CDH1: variants seen among roughly 807,000 people sequenced by gnomAD.
CDH1 encodes cadherin-1.
CDH1 carries 35 observed loss-of-function variants against 84.5 expected under a neutral mutation model. That is an observed-to-expected ratio of 0.41 (90% CI 0.32 to 0.55). The LOEUF is 0.55. Ranked by LOEUF, CDH1 falls within the 20% of genes least tolerant of loss-of-function variation. The probability of loss-of-function intolerance (pLI) is 0.19; values close to 1 mark genes in which losing one functional copy is unlikely to be tolerated. For missense variants in CDH1, 994 were observed against 1,126.6 expected, an observed-to-expected ratio of 0.88 and a Z score of 1.68; for synonymous variants, 417 against 439.0, an observed-to-expected ratio of 0.95 and a Z score of 0.63.
chr16:68,748,182 G>A lies in CDH1; in HGVS notation c.163+9771G>A, dbSNP rs1213522618. Among the ~76,000 whole-genome samples the A allele has an allele frequency of 2.8e-5, 4 of 144,858 alleles. No homozygotes were observed. The East Asian group carries it at 6.1e-4, about 22-fold the overall frequency. ...GGCTGGAGTGCAATGGCATGATCTC[G>A]GCTCACCGCAACCTCCGCCTCCCGG... On this transcript the variant is annotated intron_variant, in intron 2 of 15. Transcript: ENST00000261769.
chr16:68,783,388 CAAAAAAAAA>C (rs375080273), intron 2 of CDH1, among the ~76,000 whole-genome samples: 1 of 61,976 alleles, frequency 1.6e-5, no homozygotes, highest in Non-Finnish European at 3.3e-5. Flanking sequence ...CAGAGTATCT[CAAAAAAAAA>C]AAAAAAAGAA....
chr16:68,787,268 C>G (rs1286108387), intron 2 of CDH1, among the ~76,000 whole-genome samples: 1 of 152,204 alleles, frequency 6.6e-6, no homozygotes, highest in Non-Finnish European at 1.5e-5. Context: ...CTGGCTGGTT[C>G]TGGGGCGAAT....
chr16:68,801,642 C>G lies in CDH1; in HGVS notation c.164-28C>G, dbSNP rs753111135. ...CTCTTGTCTTTAATCTGTCCAATTT[C>G]CTAATCTCTGTGATTTCTGCCCTGC... is the stretch of plus-strand genomic sequence containing the variant. On this transcript the variant is annotated intron_variant, in intron 2 of 15. Coordinates refer to ENST00000261769, the MANE Select transcript of CDH1 (RefSeq NM_004360.5). 2.5e-6 allele frequency: 4 copies of G among 1,575,662 alleles called. No individual in the cohort carries two copies. In the Admixed American group the frequency reaches 6.7e-5, roughly 26 times the overall value.
intron 2 of CDH1, among the ~76,000 whole-genome samples, chr16:68,766,638 T>C (rs1959397339): frequency 6.6e-6 from 1 of 152,230 alleles, no homozygotes; most frequent in Non-Finnish European, 1.5e-5. Context: ...TTATTAACAC[T>C]GACATAGCCT....
intron 2 of CDH1, among the ~76,000 whole-genome samples, chr16:68,772,431 A>G (rs1259631885): frequency 3.3e-5 from 5 of 152,206 alleles, no homozygotes; most frequent in African/African-American, 7.2e-5. Context: ...GGAAAATTCA[A>G]TAAATGTTCA....
chr16:68,826,112 G>A (rs1488190794), intron 13 of CDH1, among the ~76,000 whole-genome samples: 1 of 147,174 alleles, frequency 6.8e-6, no homozygotes, highest in East Asian at 2.1e-4. Flanking sequence ...GAGCCACTGT[G>A]CCCAGCCAGG....
intron 6 of CDH1, 52 bp downstream of exon 6, chr16:68,810,393 G>A (rs1960789070): frequency 2.6e-6 from 4 of 1,564,130 alleles, no homozygotes; most frequent in Middle Eastern, 1.9e-4. Flanking sequence ...TAGGTTCTTT[G>A]GACCCCAAAG....
In CDH1 at chr16:68,808,866, G is replaced by A. The variant is rs544659881; in HGVS notation, c.687+18G>A. The A allele has an allele frequency of 6.2e-7, 1 of 1,613,232 alleles. No homozygotes were observed. Among genetic ancestry groups the A allele is most frequent in the East Asian group, 2.2e-5 (1 of 44,882 alleles). ...CATACACTGTAAGTATCTCTTAGAA[G>A]CTTGTTGACACCGGGGTAACATCCA... On this transcript the variant is annotated intron_variant, in intron 5 of 15. Transcript: ENST00000261769.
chr16:68,801,415 C>T (rs1011322399), intron 2 of CDH1, among the ~76,000 whole-genome samples: 2 of 152,058 alleles, frequency 1.3e-5, no homozygotes, highest in Non-Finnish European at 2.9e-5. Context: ...TGTGCCCAGT[C>T]GAGAAGTTAC....
At chr16:68,812,548 T>G (rs1471783910) in intron 8 of CDH1, among the ~76,000 whole-genome samples, 1 of 152,246 alleles carries the variant, frequency 6.6e-6, no homozygotes, top group East Asian at 1.9e-4. Context: ...CCTGGTTTCA[T>G]TTCTTTATTG....
chr16:68,737,326 G>C lies in CDH1; in HGVS notation c.-90G>C. The C allele has an allele frequency of 2.7e-6, 3 of 1,103,118 alleles. No individual in the cohort carries two copies. Among genetic ancestry groups the C allele is most frequent in the Non-Finnish European group, 3.9e-6 (3 of 774,386 alleles). The allele number at this position is 1,103,118 out of a possible 1,614,324, so 68.3% of individuals were successfully genotyped here. ...GGAACTGCAAAGCACCTGTGAGCTT[G>C]CGGAAGTCAGTTCAGACTCCAGCCC... On this transcript the variant is annotated 5_prime_UTR_variant, in exon 1 of 16. Transcript: ENST00000261769.
intron 2 of CDH1, among the ~76,000 whole-genome samples, chr16:68,751,435 G>A: frequency 6.6e-6 from 1 of 152,198 alleles, no homozygotes; most frequent in East Asian, 1.9e-4. Flanking sequence ...GTCCTGAAAA[G>A]ACTGCAAGCC....
intron 15 of CDH1, 97 bp downstream of exon 15, chr16:68,829,894 T>C: frequency 1.5e-6 from 2 of 1,290,540 alleles, no homozygotes; most frequent in African/African-American, 1.5e-5. Flanking sequence ...ATTCTTTCCT[T>C]TACTATGTTT....
chr16:68,748,098 T>A (rs61196768), intron 2 of CDH1, among the ~76,000 whole-genome samples: 1,761 of 143,162 alleles, frequency 0.012, 14 homozygotes, highest in Non-Finnish European at 0.019. Context: ...AAAAAATTTT[T>A]AAAAATTATT....
At chr16:68,806,124 A>G (rs7191913) in intron 3 of CDH1, among the ~76,000 whole-genome samples, 1,197 of 22,026 alleles carry the variant, frequency 0.054, 10 homozygotes, top group South Asian at 0.21. Flanking sequence ...ATTTTTGTAT[A>G]TTTATTTATT....
rs560304131 is a variant in CDH1, at chr16:68,832,162, A to G, written c.2440-1128A>G. ...GAGGAGAGAGAGAGGAGCAGAAAAG[A>G]TAACTACTGGGTACTGGGCTAAATA... On this transcript the variant is annotated intron_variant, in intron 15 of 15. Coordinates refer to ENST00000261769, the MANE Select transcript of CDH1 (RefSeq NM_004360.5). Among the ~76,000 whole-genome samples, 105 of 152,202 alleles carry G rather than the reference A, an allele frequency of 6.9e-4. 1 individual carries two copies. The highest frequency in any genetic ancestry group is 6.8e-3 in the Middle Eastern group (2 of 294).
chr16:68,813,574 G>A (rs1013224098), intron 9 of CDH1, 79 bp downstream of exon 9: 11 of 1,428,620 alleles, frequency 7.7e-6, no homozygotes, highest in Non-Finnish European at 1.1e-5. Context: ...TATCTTCTTA[G>A]AAGTAGATTC....
Position 68,762,948 on chromosome 16 carries a change from C to T in CDH1, c.163+24537C>T, listed in dbSNP as rs1026500277. ...AAAAAAAAAAAAAAAAAAAAAGCCC[C>T]AAACCAGCTGAGCTTAGATGGATCT... On this transcript the variant is annotated intron_variant, in intron 2 of 15. Coordinates refer to ENST00000261769, the MANE Select transcript of CDH1 (RefSeq NM_004360.5). Among the ~76,000 whole-genome samples, 22 of 143,676 alleles carry T rather than the reference C, an allele frequency of 1.5e-4. 1 individual carries two copies. The East Asian group carries it at 2.4e-3, about 16-fold the overall frequency. 94.3% of individuals were successfully genotyped at this position (143,676 alleles called of 152,430 possible).
At chr16:68,803,505 C>T (rs1296996524) in intron 3 of CDH1, among the ~76,000 whole-genome samples, 1 of 152,130 alleles carries the variant, frequency 6.6e-6, no homozygotes, top group Non-Finnish European at 1.5e-5. Context: ...TCAAACAATT[C>T]TTCTGCCTCA....
Sources: gnomAD v4.1 joint callset for allele counts (sites outside exome capture counted in the v4.1 genomes callset) on GRCh38, gnomAD v4.1.1 for gene constraint, MANE v1.5 for transcripts, NCBI Gene and HGNC (gene_info 2026-07-23, HGNC 2026-07-21) for gene names.